Variants in SLC35D4 observed in about 807,000 individuals in gnomAD.
The protein encoded by SLC35D4 is UDP-N-acetylglucosamine transporter SLC35D4.
the SLC35D4 span, among the ~76,000 whole-genome samples, chr18:23,429,247 T>C: frequency 3.3e-5 from 5 of 152,240 alleles, no homozygotes; most frequent in African/African-American, 1.2e-4. Context: ...AATTCTATTT[T>C]TCATTCTTTT....
At chr18:23,264,597 G>A in the SLC35D4 span, among the ~76,000 whole-genome samples, 1 of 151,990 alleles carries the variant, frequency 6.6e-6, no homozygotes, top group Admixed American at 6.6e-5. Context: ...TCTTGACCTC[G>A]TGATCCGTCT....
chr18:23,368,435 T>A, the SLC35D4 span, among the ~76,000 whole-genome samples: 12 of 152,174 alleles, frequency 7.9e-5, no homozygotes, highest in African/African-American at 2.7e-4. Flanking sequence ...GAAGTGAGGG[T>A]GTGGCCTCTG....
At chr18:23,240,126 A>G in the SLC35D4 span, among the ~76,000 whole-genome samples, 2 of 152,126 alleles carry the variant, frequency 1.3e-5, no homozygotes, top group South Asian at 4.1e-4. Context: ...TCAACAAAAC[A>G]AAACAAAAAC....
At chr18:23,300,967 G>T in the SLC35D4 span, among the ~76,000 whole-genome samples, 1 of 152,264 alleles carries the variant, frequency 6.6e-6, no homozygotes, top group African/African-American at 2.4e-5. Flanking sequence ...AGTAGACAGA[G>T]GATGGAGGCT....
the SLC35D4 span, among the ~76,000 whole-genome samples, chr18:23,251,459 T>TA: frequency 1.3e-5 from 2 of 150,572 alleles, no homozygotes; most frequent in East Asian, 3.9e-4. Context: ...TCAAAAAAAA[T>TA]AAAAAAAGAT....
At chr18:23,344,336 T>C in the SLC35D4 span, among the ~76,000 whole-genome samples, 1 of 152,230 alleles carries the variant, frequency 6.6e-6, no homozygotes. Flanking sequence ...TGTGTCTTTA[T>C]GGTAGTACAA....
At chr18:23,280,665 G>A in the SLC35D4 span, among the ~76,000 whole-genome samples, 1 of 152,148 alleles carries the variant, frequency 6.6e-6, no homozygotes, top group Non-Finnish European at 1.5e-5. Context: ...ACTCTCCCCT[G>A]TCCAACTTCA....
At chr18:23,432,662 C>A in the SLC35D4 span, among the ~76,000 whole-genome samples, 3 of 136,164 alleles carry the variant, frequency 2.2e-5, no homozygotes, top group South Asian at 2.3e-4. Flanking sequence ...GCCTAGGAGA[C>A]AGAGTGAGAC....
the SLC35D4 span, chr18:23,260,385 G>A: frequency 2.0e-5 from 3 of 152,218 alleles, no homozygotes; most frequent in Non-Finnish European, 2.9e-5. Context: ...CCTTAGTGAC[G>A]GGAGTAAGGA....
At chr18:23,360,327 C>T in the SLC35D4 span, among the ~76,000 whole-genome samples, 1 of 152,150 alleles carries the variant, frequency 6.6e-6, no homozygotes, top group East Asian at 1.9e-4. Context: ...ACATAAGTCA[C>T]AAAAAGGCTG....
At chr18:23,290,221 T>C in the SLC35D4 span, among the ~76,000 whole-genome samples, 18 of 152,196 alleles carry the variant, frequency 1.2e-4, no homozygotes, top group Non-Finnish European at 2.2e-4. Context: ...AAATTAACCA[T>C]GGGGTCTGTT....
At chr18:23,253,646 A>C in the SLC35D4 span, 1 of 1,146,986 alleles carries the variant, frequency 8.7e-7, no homozygotes, top group Admixed American at 2.1e-5. Flanking sequence ...AAAGAGAAAA[A>C]GCATTCAAGA....
At chr18:23,323,718 G>A in the SLC35D4 span, among the ~76,000 whole-genome samples, 31 of 152,254 alleles carry the variant, frequency 2.0e-4, no homozygotes, top group South Asian at 5.6e-3. Context: ...GGGGCCTTTG[G>A]GAGATGATTT....
At chr18:23,411,486 A>T in the SLC35D4 span, among the ~76,000 whole-genome samples, 1 of 83,242 alleles carries the variant, frequency 1.2e-5, no homozygotes, top group Non-Finnish European at 2.5e-5. Context: ...AAAGAGATAG[A>T]AAGAAAGAAA....
the SLC35D4 span, among the ~76,000 whole-genome samples, chr18:23,374,190 A>G: frequency 6.6e-6 from 1 of 152,222 alleles, no homozygotes; most frequent in Non-Finnish European, 1.5e-5. Flanking sequence ...TTGCATTAAA[A>G]TCCTTTGTGC....
the SLC35D4 span, among the ~76,000 whole-genome samples, chr18:23,312,780 G>T: frequency 6.6e-6 from 1 of 152,050 alleles, no homozygotes. Flanking sequence ...GCCATCCCAG[G>T]ACCAAGGTCA....
the SLC35D4 span, among the ~76,000 whole-genome samples, chr18:23,342,892 T>C: frequency 4.9e-4 from 75 of 152,352 alleles, no homozygotes; most frequent in African/African-American, 1.6e-3. Context: ...TTCATGTGTT[T>C]AGATCAGTTT....
the SLC35D4 span, among the ~76,000 whole-genome samples, chr18:23,337,842 T>C: frequency 6.6e-6 from 1 of 152,122 alleles, no homozygotes; most frequent in Non-Finnish European, 1.5e-5. Flanking sequence ...CCTGGAAAAA[T>C]AGCAGGAGAG....
the SLC35D4 span, among the ~76,000 whole-genome samples, chr18:23,384,349 C>T: frequency 2.4e-4 from 36 of 151,814 alleles, no homozygotes; most frequent in Middle Eastern, 3.4e-3. Flanking sequence ...ATAGCAAATG[C>T]CAGAAGAAAA....
Sources: allele counts gnomAD v4.1 joint callset (sites outside exome capture counted in the v4.1 genomes callset), GRCh38; gene constraint gnomAD v4.1.1; transcripts MANE v1.5; gene names NCBI Gene and HGNC (gene_info 2026-07-23, HGNC 2026-07-21).